The following GBE1 variants were observed in gnomAD, a reference collection of about 807,000 sequenced individuals.
GBE1 encodes the protein 1,4-alpha-glucan-branching enzyme.
In GBE1, 70 loss-of-function variants were observed where a neutral mutation model predicts 88.8. The ratio of observed to expected loss-of-function variants is 0.79; its 90% CI spans 0.65 to 0.96. The LOEUF is 0.96. GBE1 is among the 40% of genes least tolerant of loss of function. GBE1 has a pLI of 0.00. For synonymous variants in GBE1, 284 were observed against 300.1 expected, an observed-to-expected ratio of 0.95 and a Z score of 0.56; for missense variants, 872 against 871.0, an observed-to-expected ratio of 1.00 and a Z score of -0.01.
rs533197301 is a variant in GBE1, at chr3:81,629,937, A to G, written c.992+12844T>C. ...TGTGTCCATGTGTTCTCATTGTTCA[A>G]TTCCCACGTATGAGTGAGAACATGC... On this transcript the variant is annotated intron_variant, in intron 7 of 15. Coordinates refer to ENST00000429644, the MANE Select transcript of GBE1 (RefSeq NM_000158.4). 2.7e-5 allele frequency among the ~76,000 whole-genome samples: 4 copies of G among 148,958 alleles called. No individual in the cohort carries two copies. In the East Asian group the frequency reaches 8.0e-4, roughly 30 times the overall value.
intron 7 of GBE1, among the ~76,000 whole-genome samples, chr3:81,627,032 G>A (rs914442432): frequency 1.8e-4 from 27 of 152,182 alleles, no homozygotes; most frequent in African/African-American, 5.5e-4. Flanking sequence ...TATATGGAAC[G>A]AAGAGCTATA....
chr3:81,562,173 A>G (rs1001194969), intron 12 of GBE1, among the ~76,000 whole-genome samples: 2 of 152,078 alleles, frequency 1.3e-5, no homozygotes, highest in South Asian at 4.1e-4. Flanking sequence ...GTGCCAAATT[A>G]GTGTAGAATG....
intron 7 of GBE1, among the ~76,000 whole-genome samples, chr3:81,611,845 G>A (rs2106992946): frequency 6.6e-6 from 1 of 152,236 alleles, no homozygotes; most frequent in East Asian, 1.9e-4. Flanking sequence ...CTAAGACATA[G>A]TTTGCAAATG....
chr3:81,706,925 A>G (rs376834477), intron 1 of GBE1, among the ~76,000 whole-genome samples: 2 of 152,062 alleles, frequency 1.3e-5, no homozygotes, highest in Non-Finnish European at 2.9e-5. Flanking sequence ...TAAATAATTG[A>G]GAATTGAAAT....
Position 81,750,611 on chromosome 3 carries a change from A to G in GBE1, c.143+10764T>C, listed in dbSNP as rs71626869. 2.8e-3 allele frequency among the ~76,000 whole-genome samples: 169 copies of G among 59,520 alleles called. 8 individuals carry two copies. The highest frequency in any genetic ancestry group is 3.6e-3 in the Non-Finnish European group (125 of 34,278). The allele number at this position is 59,520 out of a possible 152,430, so 39.0% of individuals were successfully genotyped here. On this transcript the variant is annotated intron_variant, in intron 1 of 15. Transcript: ENST00000429644. ...TACGTATATATATATGTGTATATATATATATGTATATATATATACGTATAT... is the reference window on the plus strand; with the variant it reads ...TACGTATATATATATGTGTATATATGTATATGTATATATATATACGTATAT...
chr3:81,594,059 G>GCTCTTCACATTT, intron 7 of GBE1, 36 bp from the exon 8 acceptor site: 1 of 975,128 alleles, frequency 1.0e-6, no homozygotes, highest in Non-Finnish European at 1.6e-6. Context: ...TAAGCAAAAT[G>GCTCTTCACATTT]TGAAGAGCAT....
chr3:81,755,293 C>G (rs977062181), intron 1 of GBE1, among the ~76,000 whole-genome samples: 1 of 151,958 alleles, frequency 6.6e-6, no homozygotes, highest in African/African-American at 2.4e-5. Flanking sequence ...GTTAAAATAG[C>G]TTGTATCAAA....
chr3:81,561,106 C>G (rs1474237503), intron 12 of GBE1, among the ~76,000 whole-genome samples: 2 of 151,844 alleles, frequency 1.3e-5, no homozygotes, highest in African/African-American at 4.8e-5. Flanking sequence ...TTCAACTGCA[C>G]CTATCATTAC....
chr3:81,758,897 T>C (rs1706638982), intron 1 of GBE1, among the ~76,000 whole-genome samples: 1 of 152,212 alleles, frequency 6.6e-6, no homozygotes, highest in Non-Finnish European at 1.5e-5. Flanking sequence ...CCACGTGTTG[T>C]GGGAGGGACC....
chr3:81,558,059 A>C (rs1201686378), intron 12 of GBE1, among the ~76,000 whole-genome samples: 2 of 151,998 alleles, frequency 1.3e-5, no homozygotes, highest in Admixed American at 1.3e-4. Context: ...GGATCAGCAC[A>C]CGTAACTATA....
rs1268834905 is a variant in GBE1 at position 81,581,212 on chromosome 3, T to A, written c.1399A>T (p.Arg467Trp). ...MGDIVYTLTNRRYLEKCIAYA... is the reference protein window; with the variant it reads ...MGDIVYTLTNWRYLEKCIAYA... Reference sequence around the variant, plus strand: ...GCAATGCACTTTTCAAGGTAGCGCCTGTTTGTGAGCGTGTATACTATATCG... The same window carrying A: ...GCAATGCACTTTTCAAGGTAGCGCCAGTTTGTGAGCGTGTATACTATATCG... Residue 467 changes from arginine (R) to tryptophan (W), a missense_variant, in exon 11 of 16, where the codon AGG becomes TGG. Coordinates refer to ENST00000429644, the MANE Select transcript of GBE1 (RefSeq NM_000158.4). The A allele has an allele frequency of 6.2e-7, 1 of 1,607,646 alleles. No homozygotes were observed.
intron 2 of GBE1, among the ~76,000 whole-genome samples, chr3:81,678,143 G>C (rs1208534472): frequency 2.0e-5 from 3 of 152,102 alleles, no homozygotes; most frequent in Non-Finnish European, 4.4e-5. Flanking sequence ...TACACACCTT[G>C]GCTGTATGGT....
chr3:81,703,902 T>C (rs960378270), intron 2 of GBE1, among the ~76,000 whole-genome samples: 14 of 151,994 alleles, frequency 9.2e-5, no homozygotes, highest in African/African-American at 3.4e-4. Context: ...AGGGAAGATG[T>C]GCCTAGGTTA....
chr3:81,520,830 A>G (rs1702862447), intron 14 of GBE1, among the ~76,000 whole-genome samples: 1 of 151,498 alleles, frequency 6.6e-6, no homozygotes, highest in Non-Finnish European at 1.5e-5. Flanking sequence ...TATACAGGCA[A>G]AAGGTTTTTG....
chr3:81,642,641 C>A (rs1318264176), intron 7 of GBE1, 140 bp downstream of exon 7: 2 of 628,402 alleles, frequency 3.2e-6, no homozygotes, highest in African/African-American at 3.7e-5. Context: ...AAGGTAAAAT[C>A]CCCTGTACAA....
chr3:81,490,655 C>A (rs150735307), intron 15 of GBE1, among the ~76,000 whole-genome samples, 192 bp from the exon 16 acceptor site: 1 of 152,008 alleles, frequency 6.6e-6, no homozygotes, highest in Non-Finnish European at 1.5e-5. Context: ...TACCATAAAG[C>A]AACCACCACT....
intron 12 of GBE1, among the ~76,000 whole-genome samples, chr3:81,563,448 G>C (rs1703447717): frequency 6.6e-6 from 1 of 152,162 alleles, no homozygotes; most frequent in African/African-American, 2.4e-5. Context: ...CAACAATAAA[G>C]TGAGGCTGTC....
intron 14 of GBE1, among the ~76,000 whole-genome samples, chr3:81,508,133 A>G (rs1420571557): frequency 6.6e-6 from 1 of 152,224 alleles, no homozygotes; most frequent in East Asian, 1.9e-4. Context: ...ACATCAGTAA[A>G]TAGCAAATCA....
chr3:81,716,884 A>T (rs1262432862), intron 1 of GBE1, among the ~76,000 whole-genome samples: 1 of 152,192 alleles, frequency 6.6e-6, no homozygotes, highest in African/African-American at 2.4e-5. Flanking sequence ...GCAAAGTGAA[A>T]ACCTGACTGC....
Sources: gnomAD v4.1 joint callset for allele counts (sites outside exome capture counted in the v4.1 genomes callset) on GRCh38, gnomAD v4.1.1 for gene constraint, MANE v1.5 for transcripts, NCBI Gene and HGNC (gene_info 2026-07-23, HGNC 2026-07-21) for gene names.